Variants in CDK14 observed in about 807,000 individuals in gnomAD.
CDK14 encodes cyclin-dependent kinase 14.
A neutral mutation model predicts 60.7 loss-of-function variants in CDK14; 34 were observed. That is an observed-to-expected ratio of 0.56 (90% CI 0.43 to 0.75). The LOEUF (loss-of-function observed/expected upper bound fraction) is 0.75, where lower values mean the gene tolerates loss of function less well. CDK14 is among the 30% of genes least tolerant of loss of function. CDK14 has a pLI of 0.00. For synonymous variants in CDK14, 197 were observed against 203.7 expected, an observed-to-expected ratio of 0.97 and a Z score of 0.28; for missense variants, 482 against 564.1, an observed-to-expected ratio of 0.85 and a Z score of 1.47.
At chr7:91,162,927 C>G (rs1801214592) in intron 14 of CDK14, among the ~76,000 whole-genome samples, 1 of 152,162 alleles carries the variant, frequency 6.6e-6, no homozygotes, top group South Asian at 2.1e-4. Context: ...ATCCCAACTC[C>G]TTTCTCTGGG....
At chr7:91,144,943 A>C (rs1231190598) in intron 14 of CDK14, among the ~76,000 whole-genome samples, 1 of 152,184 alleles carries the variant, frequency 6.6e-6, no homozygotes, top group Non-Finnish European at 1.5e-5. Flanking sequence ...GAGAAAAGAG[A>C]AATAAGGGAG....
chr7:90,756,298 C>A (rs569642084), intron 4 of CDK14, among the ~76,000 whole-genome samples: 2 of 152,332 alleles, frequency 1.3e-5, no homozygotes, highest in African/African-American at 4.8e-5. Context: ...CTCAGCTGAT[C>A]TCCAGATGTG....
chr7:90,721,461 C>T (rs138266287), intron 2 of CDK14, among the ~76,000 whole-genome samples: 8 of 152,190 alleles, frequency 5.3e-5, no homozygotes, highest in African/African-American at 1.2e-4. Flanking sequence ...TTTTGATGCT[C>T]GAATAAATAA....
chr7:91,148,409 A>T (rs577227482), intron 14 of CDK14, among the ~76,000 whole-genome samples: 1 of 152,330 alleles, frequency 6.6e-6, no homozygotes, highest in Non-Finnish European at 1.5e-5. Context: ...AATGATGTGC[A>T]TATAACTACA....
chr7:90,857,146 C>T (rs892392039), intron 5 of CDK14, among the ~76,000 whole-genome samples: 2 of 150,480 alleles, frequency 1.3e-5, no homozygotes, highest in African/African-American at 4.9e-5. Flanking sequence ...CAGTGGGTAT[C>T]TGATAAAATG....
intron 2 of CDK14, among the ~76,000 whole-genome samples, chr7:90,671,799 T>A (rs368937033): frequency 6.6e-6 from 1 of 152,212 alleles, no homozygotes; most frequent in South Asian, 2.1e-4. Flanking sequence ...AAACAAGCAG[T>A]TCCTTCAGCA....
chr7:91,017,125 T>C (rs1796320978), intron 10 of CDK14, among the ~76,000 whole-genome samples: 1 of 152,236 alleles, frequency 6.6e-6, no homozygotes, highest in Non-Finnish European at 1.5e-5. Context: ...CTATTTTCTA[T>C]GAAGTTAATA....
At chr7:90,993,039 G>T (rs150019038) in intron 10 of CDK14, among the ~76,000 whole-genome samples, 281 of 152,228 alleles carry the variant, frequency 1.8e-3, no homozygotes, top group Admixed American at 3.1e-3. Context: ...TGATAGTTCA[G>T]AAGGGAGAAG....
intron 5 of CDK14, among the ~76,000 whole-genome samples, chr7:90,811,878 A>C (rs1052231023): frequency 6.6e-6 from 1 of 152,258 alleles, no homozygotes; most frequent in Non-Finnish European, 1.5e-5. Flanking sequence ...GCTCATCATC[A>C]CTGGCCATCA....
chr7:90,672,516 T>C (rs1168778357), intron 2 of CDK14, among the ~76,000 whole-genome samples: 1 of 130,310 alleles, frequency 7.7e-6, no homozygotes, highest in Non-Finnish European at 1.6e-5. Context: ...TTTTTTTTTT[T>C]TTTTTTTTTT....
intron 2 of CDK14, among the ~76,000 whole-genome samples, chr7:90,708,331 T>C (rs187659898): frequency 6.6e-6 from 1 of 152,240 alleles, no homozygotes; most frequent in African/African-American, 2.4e-5. Context: ...AAAGGTGTCT[T>C]TGTGGGCTGG....
At chr7:91,129,817 G>T (rs1429810728) in intron 14 of CDK14, among the ~76,000 whole-genome samples, 1 of 152,084 alleles carries the variant, frequency 6.6e-6, no homozygotes, top group Non-Finnish European at 1.5e-5. Context: ...AAACAAATGT[G>T]ATTTTTTTGA....
intron 2 of CDK14, among the ~76,000 whole-genome samples, chr7:90,690,836 G>T (rs1801537760): frequency 6.6e-6 from 1 of 152,104 alleles, no homozygotes; most frequent in African/African-American, 2.4e-5. Flanking sequence ...ATCATGATAT[G>T]TAAGAGCAAA....
In CDK14 at chr7:90,899,276, C is replaced by T. The variant is rs754802356; in HGVS notation, c.640-15C>T. The T allele has an allele frequency of 1.9e-6, 3 of 1,586,608 alleles. No individual in the cohort carries two copies. The highest frequency in any genetic ancestry group is 1.8e-5 in the Admixed American group (1 of 56,668). ...GCCAGAGGGTTATTAATACATTTTT[C>T]CTTTTCTTTTCTAGCACACTGATTT... On this transcript the variant is annotated splice_polypyrimidine_tract_variant and intron_variant, in intron 6 of 14. Transcript: ENST00000380050.
intron 2 of CDK14, among the ~76,000 whole-genome samples, chr7:90,642,979 G>T (rs534604766): frequency 3.7e-4 from 57 of 152,176 alleles, no homozygotes; most frequent in Non-Finnish European, 7.6e-4. Context: ...AGTGAGAAAG[G>T]CTTAGTTTCG....
intron 14 of CDK14, among the ~76,000 whole-genome samples, chr7:91,173,714 G>A (rs1202093752): frequency 1.3e-5 from 2 of 152,158 alleles, no homozygotes; most frequent in East Asian, 1.9e-4. Flanking sequence ...CTGGAAAATC[G>A]GGTCACTCCC....
At chr7:91,015,532 T>G (rs1013702704) in intron 10 of CDK14, among the ~76,000 whole-genome samples, 16 of 135,766 alleles carry the variant, frequency 1.2e-4, no homozygotes, top group African/African-American at 3.5e-4. Flanking sequence ...TTTTTTTTTT[T>G]TTTTTTTTTT....
chr7:90,660,482 A>G (rs1313818104), intron 2 of CDK14, among the ~76,000 whole-genome samples: 1 of 152,200 alleles, frequency 6.6e-6, no homozygotes, highest in Non-Finnish European at 1.5e-5. Flanking sequence ...TTAGCTCTAT[A>G]CTCGGTACCT....
intron 11 of CDK14, among the ~76,000 whole-genome samples, chr7:91,053,069 C>T (rs1282413057): frequency 6.6e-6 from 1 of 151,960 alleles, no homozygotes; most frequent in African/African-American, 2.4e-5. Context: ...CAAAACCAAA[C>T]AGGTCCACAC....
Sources: allele counts gnomAD v4.1 joint callset (sites outside exome capture counted in the v4.1 genomes callset), GRCh38; gene constraint gnomAD v4.1.1; transcripts MANE v1.5; gene names NCBI Gene and HGNC (gene_info 2026-07-23, HGNC 2026-07-21).